The following SEMA5A variants were observed in gnomAD, a reference collection of about 807,000 sequenced individuals.
SEMA5A encodes the protein semaphorin-5A.
In SEMA5A, 55 loss-of-function variants were observed where a neutral mutation model predicts 135.5. The ratio of observed to expected loss-of-function variants is 0.41; its 90% CI spans 0.33 to 0.51. The LOEUF (loss-of-function observed/expected upper bound fraction) is 0.51. SEMA5A is among the 20% of genes least tolerant of loss of function. The pLI is 0.37. For synonymous variants in SEMA5A, 580 were observed against 546.5 expected, an observed-to-expected ratio of 1.06 and a Z score of -0.85; for missense variants, 1,290 against 1,419.9, an observed-to-expected ratio of 0.91 and a Z score of 1.47.
chr5:9,223,671 T>G (rs762957911), intron 8 of SEMA5A, among the ~76,000 whole-genome samples: 45 of 152,350 alleles, frequency 3.0e-4, no homozygotes, highest in Non-Finnish European at 5.0e-4. Context: ...CTCTCAAGAT[T>G]TCACTTTTGT....
At chr5:9,179,317 C>T (rs2150323025) in intron 11 of SEMA5A, among the ~76,000 whole-genome samples, 1 of 152,250 alleles carries the variant, frequency 6.6e-6, no homozygotes. Flanking sequence ...ATTTTTACTA[C>T]TGAGGGCAAC....
chr5:9,458,583 G>A (rs1758935982), intron 1 of SEMA5A, among the ~76,000 whole-genome samples: 1 of 152,308 alleles, frequency 6.6e-6, no homozygotes, highest in African/African-American at 2.4e-5. Flanking sequence ...TGCCCAGCAA[G>A]CCACACAAGA....
chr5:9,042,114 A>G lies in SEMA5A; in HGVS notation c.*783T>C, dbSNP rs1056457336. 6.6e-6 allele frequency: 1 copy of G among 152,264 alleles called. No individual in the cohort carries two copies. Among genetic ancestry groups the G allele is most frequent in the African/African-American group, 2.4e-5 (1 of 41,464 alleles). 9.4% of individuals were successfully genotyped at this position (152,264 alleles called of 1,614,324 possible). A position where few individuals can be genotyped will look rare whatever the true frequency, so the allele number is the denominator to read the frequency against. Reference sequence around the variant, plus strand: ...CAGACAGGTGGACTTCCAGGCCAACAGCATGGCAAGGAGCTTCCTGGAATG... The same window carrying G: ...CAGACAGGTGGACTTCCAGGCCAACGGCATGGCAAGGAGCTTCCTGGAATG... On this transcript the variant is annotated 3_prime_UTR_variant, in exon 23 of 23. Transcript: ENST00000382496.
rs566773564 is a variant in SEMA5A at position 9,292,423 on chromosome 5, G to A, written c.270+25949C>T. 7.9e-5 allele frequency among the ~76,000 whole-genome samples: 12 copies of A among 152,204 alleles called. No individual in the cohort carries two copies. In the South Asian group the frequency reaches 1.5e-3, roughly 18 times the overall value. On this transcript the variant is annotated intron_variant, in intron 5 of 22. Coordinates refer to ENST00000382496, the MANE Select transcript of SEMA5A (RefSeq NM_003966.3). ...TACAGTGAGATTAAGTAACTTGCCCGAGGACACACACCCAGTAAGTTGAGG... is the reference window on the plus strand; with the variant it reads ...TACAGTGAGATTAAGTAACTTGCCCAAGGACACACACCCAGTAAGTTGAGG...
At chr5:9,535,894 C>T (rs116608409) in intron 1 of SEMA5A, among the ~76,000 whole-genome samples, 35 of 152,256 alleles carry the variant, frequency 2.3e-4, no homozygotes, top group African/African-American at 7.7e-4. Flanking sequence ...GTGATGCAGA[C>T]GTCGGGATGT....
chr5:9,459,505 C>T (rs1451845614), intron 1 of SEMA5A, among the ~76,000 whole-genome samples: 2 of 152,186 alleles, frequency 1.3e-5, no homozygotes, highest in African/African-American at 2.4e-5. Context: ...AGTCCTACAA[C>T]CACAAGGAAA....
At chr5:9,103,510 T>C (rs1176509932) in intron 16 of SEMA5A, among the ~76,000 whole-genome samples, 1 of 152,176 alleles carries the variant, frequency 6.6e-6, no homozygotes, top group Non-Finnish European at 1.5e-5. Flanking sequence ...AGGCTTTCTG[T>C]GGTCTGGTTC....
In SEMA5A at chr5:9,037,562, A is replaced by G. The variant is rs1735718242; in HGVS notation, c.*5335T>C. ...ACAATGTGTACAATGCATCTTTAAT[A>G]TAAGTCCATAGGAAAGGAGTATTTA... is the stretch of plus-strand genomic sequence containing the variant. On this transcript the variant is annotated 3_prime_UTR_variant, in exon 23 of 23. Transcript: ENST00000382496. The G allele has an allele frequency of 1.3e-5, 2 of 152,348 alleles. No homozygotes were observed. Among genetic ancestry groups the G allele is most frequent in the South Asian group, 4.1e-4 (2 of 4,834 alleles). The allele number at this position is 152,348 out of a possible 1,614,324, so 9.4% of individuals were successfully genotyped here. A position where few individuals can be genotyped will look rare whatever the true frequency, so the allele number is the denominator to read the frequency against.
chr5:9,271,602 C>T (rs1749977542), intron 5 of SEMA5A, among the ~76,000 whole-genome samples: 2 of 152,134 alleles, frequency 1.3e-5, no homozygotes, highest in African/African-American at 2.4e-5. Context: ...GGCAAGATGG[C>T]AGAATAGGAA....
At chr5:9,521,785 C>T (rs895369361) in intron 1 of SEMA5A, among the ~76,000 whole-genome samples, 44 of 152,290 alleles carry the variant, frequency 2.9e-4, no homozygotes, top group South Asian at 8.3e-4. Context: ...ATAAAGCACG[C>T]GCTCCCTGCA....
At chr5:9,457,764 T>C (rs1758895314) in intron 1 of SEMA5A, among the ~76,000 whole-genome samples, 1 of 152,110 alleles carries the variant, frequency 6.6e-6, no homozygotes, top group African/African-American at 2.4e-5. Flanking sequence ...TCCAAACAAC[T>C]TTTCAAAAAA....
chr5:9,084,344 AGT>A (rs1451606794), intron 16 of SEMA5A, among the ~76,000 whole-genome samples: 1 of 152,162 alleles, frequency 6.6e-6, no homozygotes, highest in Non-Finnish European at 1.5e-5. Context: ...CTTGTTCTCC[AGT>A]GATGTTTCTG....
At chr5:9,115,309 C>T (rs1172421299) in intron 15 of SEMA5A, among the ~76,000 whole-genome samples, 2 of 152,118 alleles carry the variant, frequency 1.3e-5, no homozygotes, top group African/African-American at 4.8e-5. Flanking sequence ...ACTCAGGAAG[C>T]ATAACTAAGA....
intron 9 of SEMA5A, among the ~76,000 whole-genome samples, chr5:9,198,925 C>T (rs1745559062): frequency 6.6e-6 from 1 of 152,086 alleles, no homozygotes; most frequent in African/African-American, 2.4e-5. Context: ...CCCTGAGCCC[C>T]CTGCTAAGCA....
chr5:9,448,615 T>A (rs1758518745), intron 1 of SEMA5A, among the ~76,000 whole-genome samples: 1 of 152,236 alleles, frequency 6.6e-6, no homozygotes, highest in Non-Finnish European at 1.5e-5. Flanking sequence ...TAGTAACACC[T>A]CTCCTCGTGG....
chr5:9,543,556 C>G (rs1738211070), intron 1 of SEMA5A, among the ~76,000 whole-genome samples: 1 of 152,102 alleles, frequency 6.6e-6, no homozygotes, highest in Non-Finnish European at 1.5e-5. Context: ...ATTATAACAA[C>G]CAAATGAGTT....
chr5:9,155,013 C>T (rs1317340517), intron 11 of SEMA5A, among the ~76,000 whole-genome samples: 1 of 152,128 alleles, frequency 6.6e-6, no homozygotes, highest in East Asian at 1.9e-4. Flanking sequence ...TGTGCCATCC[C>T]ATGGAAAACA....
intron 5 of SEMA5A, among the ~76,000 whole-genome samples, chr5:9,288,914 AC>A (rs565146303): frequency 1.9e-4 from 29 of 152,232 alleles, no homozygotes; most frequent in Non-Finnish European, 3.5e-4. Flanking sequence ...CATCCTTCAA[AC>A]AAAAACAAAA....
At chr5:9,118,064 GT>G (rs761751575) in intron 15 of SEMA5A, among the ~76,000 whole-genome samples, 24 of 152,304 alleles carry the variant, frequency 1.6e-4, no homozygotes, top group Admixed American at 9.8e-4. Context: ...CAGTAAGTCT[GT>G]TGGTTCTGTT....
Sources: allele counts gnomAD v4.1 joint callset (sites outside exome capture counted in the v4.1 genomes callset), GRCh38; gene constraint gnomAD v4.1.1; transcripts MANE v1.5; gene names NCBI Gene and HGNC (gene_info 2026-07-23, HGNC 2026-07-21).